The following ADK variants were observed in gnomAD, a reference collection of about 807,000 sequenced individuals.
ADK encodes the protein N6,N6-dimethyladenosine kinase.
Under a neutral mutation model 44.7 loss-of-function variants are expected in ADK, and 24 were observed. The observed-to-expected ratio is 0.54, with a 90% confidence interval of 0.39 to 0.76. ADK has a LOEUF of 0.76. Among genes scored for constraint, ADK ranks in the 30% least tolerant of loss-of-function variants. The probability of loss-of-function intolerance (pLI) is 0.00; values close to 1 mark genes in which losing one functional copy is unlikely to be tolerated. For missense variants in ADK, 321 were observed against 425.1 expected (o/e 0.76, Z 2.15); for synonymous variants, 128 against 142.6 (o/e 0.90, Z 0.73).
chr10:74,487,539 A>T (rs1847308453), intron 6 of ADK, among the ~76,000 whole-genome samples: 1 of 151,108 alleles, frequency 6.6e-6, no homozygotes, highest in Non-Finnish European at 1.5e-5. Flanking sequence ...TTTTTTTTTT[A>T]ACCCATCTTA....
At chr10:74,315,992 C>G (rs1056598780) in intron 4 of ADK, among the ~76,000 whole-genome samples, 1 of 152,092 alleles carries the variant, frequency 6.6e-6, no homozygotes, top group Non-Finnish European at 1.5e-5. Flanking sequence ...AATCCCAGCA[C>G]TTTGGGAAGC....
chr10:74,542,851 CAT>C lies in ADK; in HGVS notation c.726+17427_726+17428del, dbSNP rs1460915974. On this transcript the variant is annotated intron_variant, in intron 7 of 10. Coordinates refer to ENST00000539909, the MANE Select transcript of ADK (RefSeq NM_006721.4). Reference sequence around the variant, plus strand: ...TCTTAGAAATCATTCCATAAAAGCTCATAGAGATCCTTCTCATTTTTAATTTT... The same window carrying C: ...TCTTAGAAATCATTCCATAAAAGCTCAGAGATCCTTCTCATTTTTAATTTT... Among the ~76,000 whole-genome samples the C allele has an allele frequency of 3.9e-5, 6 of 151,922 alleles. No individual in the cohort carries two copies. The East Asian group carries it at 1.2e-3, about 29-fold the overall frequency.
intron 9 of ADK, among the ~76,000 whole-genome samples, chr10:74,611,707 T>C (rs531911633): frequency 3.9e-5 from 6 of 151,992 alleles, no homozygotes; most frequent in Non-Finnish European, 7.4e-5. Context: ...CTCCCACTTA[T>C]AAGTGAGATT....
intron 6 of ADK, among the ~76,000 whole-genome samples, chr10:74,438,288 C>T (rs1193854076): frequency 1.3e-5 from 2 of 151,586 alleles, no homozygotes; most frequent in East Asian, 3.9e-4. Flanking sequence ...GCAATGACGC[C>T]ATCTCGGCTC....
rs539990322 is a variant in ADK at position 74,656,543 on chromosome 10, G to A, written c.878-13640G>A. On this transcript the variant is annotated intron_variant, in intron 9 of 10. Coordinates refer to ENST00000539909, the MANE Select transcript of ADK (RefSeq NM_006721.4). ...TGGTGCTCCCTTCTTCCTCCCAGAG[G>A]CAGTATAGGAGAGAGAGCAAGGATT... Among the ~76,000 whole-genome samples, 3 of 152,238 alleles carry A rather than the reference G, an allele frequency of 2.0e-5. No homozygotes were observed. The East Asian group carries it at 5.8e-4, about 30-fold the overall frequency.
At chr10:74,426,076 T>G (rs1054921104) in intron 6 of ADK, among the ~76,000 whole-genome samples, 3 of 152,204 alleles carry the variant, frequency 2.0e-5, no homozygotes, top group Non-Finnish European at 4.4e-5. Context: ...TCCTATCATA[T>G]ATGTTCATTT....
At chr10:74,545,671 T>G (rs1164468655) in intron 7 of ADK, among the ~76,000 whole-genome samples, 2 of 152,196 alleles carry the variant, frequency 1.3e-5, no homozygotes, top group Non-Finnish European at 2.9e-5. Flanking sequence ...TGTTAGATAT[T>G]TTCAGGGCCA....
chr10:74,470,325 A>C (rs549646519), intron 6 of ADK, among the ~76,000 whole-genome samples: 1 of 152,136 alleles, frequency 6.6e-6, no homozygotes, highest in Admixed American at 6.6e-5. Flanking sequence ...GCGCCCAGCC[A>C]CATTTTCTTT....
At chr10:74,293,115 G>A (rs1839678760) in intron 3 of ADK, among the ~76,000 whole-genome samples, 2 of 137,756 alleles carry the variant, frequency 1.5e-5, no homozygotes, top group Non-Finnish European at 3.0e-5. Flanking sequence ...GCAGTGAGCT[G>A]TGATTGTATC....
chr10:74,594,979 C>T (rs1851852352), intron 8 of ADK, among the ~76,000 whole-genome samples: 2 of 152,016 alleles, frequency 1.3e-5, no homozygotes, highest in African/African-American at 4.8e-5. Flanking sequence ...AGTTCGAGAC[C>T]AGCCTGGCCA....
chr10:74,417,901 A>G lies in ADK; in HGVS notation c.555+19322A>G, dbSNP rs535528788. 2.7e-3 allele frequency among the ~76,000 whole-genome samples: 409 copies of G among 152,266 alleles called. 2 individuals are homozygous for G. The highest frequency in any genetic ancestry group is 4.7e-3 in the Non-Finnish European group (317 of 68,018). On this transcript the variant is annotated intron_variant, in intron 6 of 10. Transcript: ENST00000539909. ...AAATATTTACTCACGTGCACAATAT[A>G]TCAAAACATATTTTGAATTCTATAT...
At chr10:74,189,798 C>T (rs959130497) in intron 1 of ADK, among the ~76,000 whole-genome samples, 5 of 152,174 alleles carry the variant, frequency 3.3e-5, no homozygotes, top group Non-Finnish European at 5.9e-5. Flanking sequence ...TCTACCTTGT[C>T]CCTACAAATT....
chr10:74,698,654 G>A (rs923939656), intron 10 of ADK, among the ~76,000 whole-genome samples: 2 of 152,010 alleles, frequency 1.3e-5, no homozygotes, highest in African/African-American at 4.8e-5. Context: ...CCAGGCTTGG[G>A]TGATCCTCCC....
intron 9 of ADK, among the ~76,000 whole-genome samples, chr10:74,665,954 C>A (rs541854266): frequency 2.1e-4 from 32 of 152,252 alleles, no homozygotes; most frequent in African/African-American, 7.7e-4. Flanking sequence ...TTTAAAAATT[C>A]TTTGAACAAA....
chr10:74,196,096 G>A (rs915354151), intron 1 of ADK, among the ~76,000 whole-genome samples: 2 of 151,694 alleles, frequency 1.3e-5, no homozygotes, highest in South Asian at 4.2e-4. Flanking sequence ...GAGCCACCAC[G>A]TCCAGCCTGT....
chr10:74,523,444 C>A (rs1309574568), intron 6 of ADK, among the ~76,000 whole-genome samples: 2 of 152,038 alleles, frequency 1.3e-5, no homozygotes, highest in Non-Finnish European at 2.9e-5. Flanking sequence ...ACCATCACTT[C>A]TCCTCTCCTC....
intron 7 of ADK, among the ~76,000 whole-genome samples, chr10:74,532,475 CA>C (rs34947578): frequency 7.8e-4 from 97 of 125,062 alleles, no homozygotes; most frequent in East Asian, 1.9e-3. Context: ...GAAACTGTGT[CA>C]AAAAAAAAAA....
chr10:74,652,065 TG>T (rs1210473146), intron 9 of ADK, among the ~76,000 whole-genome samples: 2 of 151,080 alleles, frequency 1.3e-5, no homozygotes. Flanking sequence ...TTTTTTTTTT[TG>T]AGACAGAGTA....
At chr10:74,197,423 G>A (rs1380476863) in intron 1 of ADK, among the ~76,000 whole-genome samples, 5 of 152,188 alleles carry the variant, frequency 3.3e-5, no homozygotes, top group African/African-American at 1.2e-4. Flanking sequence ...CTTGGGCTGG[G>A]CGTGGTAGCT....
Sources: gnomAD v4.1 joint callset for allele counts (sites outside exome capture counted in the v4.1 genomes callset) on GRCh38, gnomAD v4.1.1 for gene constraint, MANE v1.5 for transcripts, NCBI Gene and HGNC (gene_info 2026-07-23, HGNC 2026-07-21) for gene names.